The following PDXDC1 variants were observed in gnomAD, a reference collection of about 807,000 sequenced individuals.
PDXDC1 encodes pyridoxal dependent decarboxylase domain containing 1, also known as pyridoxal-dependent decarboxylase domain-containing protein 1.
A neutral mutation model predicts 100.1 loss-of-function variants in PDXDC1; 42 were observed. The observed-to-expected ratio is 0.42, with a 90% CI of 0.33 to 0.54. PDXDC1 has a LOEUF of 0.54. Among genes scored for constraint, PDXDC1 ranks in the 20% least tolerant of loss-of-function variants. The pLI is 0.10. For synonymous variants in PDXDC1, 260 were observed against 371.7 expected, an observed-to-expected ratio of 0.70 and a Z score of 3.46; for missense variants, 636 against 979.2, an observed-to-expected ratio of 0.65 and a Z score of 4.68.
intron 13 of PDXDC1, chr16:15,025,615 T>C (rs1254981358): frequency 6.6e-5 from 10 of 152,438 alleles, no homozygotes; most frequent in Admixed American, 1.3e-4. Flanking sequence ...CTTGGGCCAC[T>C]GCTTCTTGTC....
In PDXDC1 at chr16:15,111,473, A is replaced by C. The variant is rs746202198; in HGVS notation, c.1400-27406A>C. Among the ~76,000 whole-genome samples, 11 of 146,308 alleles carry C rather than the reference A, an allele frequency of 7.5e-5. 1 individual carries two copies. Among genetic ancestry groups the C allele is most frequent in the South Asian group, 4.4e-4 (2 of 4,530 alleles). On this transcript the variant is annotated intron_variant, in intron 16 of 16. Transcript: ENST00000535621. ...CTCTGTCTCAAAAAAAAAAAAAAAA[A>C]AATAGGCCAGGTGTGGTAGCTCACG... is the stretch of plus-strand genomic sequence containing the variant.
At chr16:15,027,636 C>T (rs1168013223) in intron 14 of PDXDC1, among the ~76,000 whole-genome samples, 28 of 152,394 alleles carry the variant, frequency 1.8e-4, no homozygotes, top group Non-Finnish European at 2.8e-4. Context: ...GGCCGCTCAG[C>T]GGCCCTGGCC....
chr16:15,030,586 C>CT (rs1184246418), intron 16 of PDXDC1, among the ~76,000 whole-genome samples: 1 of 137,342 alleles, frequency 7.3e-6, no homozygotes, highest in African/African-American at 2.6e-5. Flanking sequence ...ACATGAATTC[C>CT]TTTTTTGTTG....
chr16:15,064,963 G>A (rs1178781753), intron 16 of PDXDC1, among the ~76,000 whole-genome samples: 3 of 152,136 alleles, frequency 2.0e-5, no homozygotes, highest in Non-Finnish European at 4.4e-5. Context: ...TCAGGAGATC[G>A]AGAACATCCC....
intron 16 of PDXDC1, among the ~76,000 whole-genome samples, chr16:15,078,441 C>T (rs1476025136): frequency 1.3e-5 from 2 of 152,044 alleles, no homozygotes; most frequent in Non-Finnish European, 2.9e-5. Flanking sequence ...CACATCCTCT[C>T]CCGAAATGCA....
chr16:15,011,021 A>C (rs955490070), intron 8 of PDXDC1, among the ~76,000 whole-genome samples: 1 of 152,302 alleles, frequency 6.6e-6, no homozygotes, highest in Non-Finnish European at 1.5e-5. Context: ...TGTAGATTCA[A>C]CTTGATCCAT....
At chr16:15,010,532 A>G (rs1318140977) in intron 8 of PDXDC1, 1 of 154,184 alleles carries the variant, frequency 6.5e-6, no homozygotes, top group Non-Finnish European at 1.5e-5. Flanking sequence ...TTGTTGTAAA[A>G]ATTAAACAAG....
chr16:15,033,126 C>T, intron 18 of PDXDC1, 147 bp downstream of exon 18: 1 of 1,007,200 alleles, frequency 9.9e-7, no homozygotes, highest in Non-Finnish European at 1.5e-6. Flanking sequence ...CCCTCCCCTT[C>T]TGCAGCCTTG....
At chr16:15,007,230 G>A (rs2040858976) in intron 6 of PDXDC1, among the ~76,000 whole-genome samples, 1 of 148,904 alleles carries the variant, frequency 6.7e-6, no homozygotes. Flanking sequence ...GAGTGCAGTG[G>A]CGTGATCTCG....
intron 16 of PDXDC1, among the ~76,000 whole-genome samples, chr16:15,122,734 C>T (rs531954918): frequency 1.3e-3 from 194 of 147,266 alleles, no homozygotes; most frequent in African/African-American, 4.1e-3. Context: ...CCTTTCAGGG[C>T]GCCCGGAGGT....
At chr16:15,145,654 T>G in the PDXDC1 span, among the ~76,000 whole-genome samples, 7 of 152,224 alleles carry the variant, frequency 4.6e-5, no homozygotes, top group African/African-American at 1.4e-4. Context: ...CACCAGTGCC[T>G]GGGCACCCCG....
Position 15,033,072 on chromosome 16 carries a change from G to A in PDXDC1, c.1690+93G>A, listed in dbSNP as rs189458852. 1.4e-4 allele frequency: 140 copies of A among 993,916 alleles called. No homozygotes were observed. In the African/African-American group the frequency reaches 1.9e-3, roughly 13 times the overall value. 61.6% of individuals were successfully genotyped at this position (993,916 alleles called of 1,614,324 possible). On this transcript the variant is annotated intron_variant, in intron 18 of 22. Coordinates refer to ENST00000396410, the MANE Select transcript of PDXDC1 (RefSeq NM_015027.4). ...ACGGCTCATCCCTTAGCGGGCTAGC[G>A]CCTCTCGGGCTGGGTTCCAGGCGAA...
intron 16 of PDXDC1, among the ~76,000 whole-genome samples, chr16:15,087,863 C>T (rs1275365563): frequency 6.6e-6 from 1 of 152,028 alleles, no homozygotes; most frequent in Non-Finnish European, 1.5e-5. Flanking sequence ...GTCTGTAATC[C>T]CAACACTTTG....
rs972218873 is a variant in PDXDC1 at position 15,125,880 on chromosome 16, T to G, written c.1400-12999T>G. On this transcript the variant is annotated intron_variant, in intron 16 of 16. Transcript: ENST00000535621. ...AGGACCTGGATGAGAAGCCACCTCC[T>G]CAGCAGACAGGACAGAGCCCGGTGC... The G allele has an allele frequency of 8.0e-6, 6 of 747,930 alleles. No individual in the cohort carries two copies. The Admixed American group carries it at 1.2e-4, about 15-fold the overall frequency. 46.3% of individuals were successfully genotyped at this position (747,930 alleles called of 1,614,324 possible). A position where few individuals can be genotyped will look rare whatever the true frequency, so the allele number is the denominator to read the frequency against.
At chr16:15,038,357 A>AGTTGAAAGTT (rs1257453173), downstream of PDXDC1, 3 of 659,010 alleles carry the variant, frequency 4.6e-6, no homozygotes, top group Non-Finnish European at 7.7e-6. Flanking sequence ...GTAAGAAAAA[A>AGTTGAAAGTT]GTTGATTGCT....
chr16:15,130,985 A>T, intron 16 of PDXDC1: 3 of 835,040 alleles, frequency 3.6e-6, no homozygotes, highest in Non-Finnish European at 5.9e-6. Context: ...CATGAAACAG[A>T]AAGCAAATTT....
At chr16:14,997,685 G>A (rs1479368110) in intron 1 of PDXDC1, 68 bp from the exon 2 acceptor site, 3 of 1,454,968 alleles carry the variant, frequency 2.1e-6, no homozygotes, top group Non-Finnish European at 2.8e-6. Context: ...TAATTTTTCT[G>A]GGTGAATTGT....
intron 6 of PDXDC1, among the ~76,000 whole-genome samples, chr16:15,007,723 A>G (rs1189849257): frequency 6.6e-6 from 1 of 152,266 alleles, no homozygotes; most frequent in African/African-American, 2.4e-5. Flanking sequence ...GGTGTACAAA[A>G]TGGGGAGTTT....
the PDXDC1 span, among the ~76,000 whole-genome samples, chr16:15,152,068 C>T: frequency 4.0e-5 from 6 of 149,432 alleles, 1 homozygote; most frequent in South Asian, 2.1e-4. Context: ...CTTCGAGCCA[C>T]GCAGAGCAGC....
Sources: gnomAD v4.1 joint callset for allele counts (sites outside exome capture counted in the v4.1 genomes callset) on GRCh38, gnomAD v4.1.1 for gene constraint, MANE v1.5 for transcripts, NCBI Gene and HGNC (gene_info 2026-07-23, HGNC 2026-07-21) for gene names.